TENM4: variants seen among roughly 807,000 people sequenced by gnomAD.
TENM4 encodes teneurin transmembrane protein 4, also known as teneurin-4.
TENM4 carries 82 observed loss-of-function variants against 243.3 expected under a neutral mutation model. That is an observed-to-expected ratio of 0.34 (90% CI 0.28 to 0.40). The LOEUF is 0.40. Ranked by LOEUF, TENM4 falls within the 10% of genes least tolerant of loss-of-function variation. TENM4 has a pLI of 1.00. For synonymous variants in TENM4, 1,412 were observed against 1,456.3 expected, an observed-to-expected ratio of 0.97 and a Z score of 0.69; for missense variants, 3,138 against 3,673.3, an observed-to-expected ratio of 0.85 and a Z score of 3.77.
chr11:79,412,231 G>T (rs1361742141), intron 1 of TENM4, among the ~76,000 whole-genome samples: 1 of 152,222 alleles, frequency 6.6e-6, no homozygotes, highest in Admixed American at 6.5e-5. Context: ...ATCACTGAAA[G>T]CCTGCCACGT....
intron 6 of TENM4, among the ~76,000 whole-genome samples, chr11:79,009,551 G>C (rs369317705): frequency 3.7e-4 from 57 of 152,270 alleles, no homozygotes; most frequent in African/African-American, 1.4e-3. Flanking sequence ...CTGAGATTCA[G>C]GTTCTTTAAT....
Position 78,778,609 on chromosome 11 carries a change from T to C in TENM4, c.2385A>G (p.Val795=). 2 of 1,612,234 alleles carry C rather than the reference T, an allele frequency of 1.2e-6. No individual in the cohort carries two copies. Among genetic ancestry groups the C allele is most frequent in the South Asian group, 2.2e-5 (2 of 90,304 alleles). ...HCTIAHYLDR[V]VKEGCPGLCN... ...GAGGAAGGAAGACCATACCTTTAAC[T>C]ACCCTATCCAGATAGTGAGCTAGGG... The change falls in exon 17 of 34, where the codon GTA becomes GTG. Residue 795 remains valine, a synonymous_variant. Coordinates refer to ENST00000278550, the MANE Select transcript of TENM4 (RefSeq NM_001098816.3).
rs558425665 is a variant in TENM4, at chr11:78,884,509, CAA to C, written c.1084+5274_1084+5275del. On this transcript the variant is annotated intron_variant, in intron 9 of 33. Transcript: ENST00000278550. ...GCTGAAAGCATGGCCTTTGAAATCC[CAA>C]GTCTTGGTTGCATCCCAGCTATGTC... Among the ~76,000 whole-genome samples, 671 of 152,290 alleles carry C rather than the reference CAA, an allele frequency of 4.4e-3. 3 individuals are homozygous for C. Among genetic ancestry groups the C allele is most frequent in the Middle Eastern group, 0.01 (3 of 294 alleles).
chr11:78,882,537 A>C (rs1855454265), intron 9 of TENM4, among the ~76,000 whole-genome samples: 1 of 152,350 alleles, frequency 6.6e-6, no homozygotes, highest in Admixed American at 6.5e-5. Context: ...GGGGGAGTGA[A>C]ACTCCATTAA....
intron 2 of TENM4, among the ~76,000 whole-genome samples, chr11:79,223,738 G>A (rs1167002195): frequency 6.6e-6 from 1 of 152,082 alleles, no homozygotes; most frequent in Non-Finnish European, 1.5e-5. Context: ...GGCCTCAGAT[G>A]CCCCTGTAGT....
chr11:78,663,534 T>G (rs576256123), intron 32 of TENM4, among the ~76,000 whole-genome samples: 3 of 152,106 alleles, frequency 2.0e-5, no homozygotes, highest in Non-Finnish European at 4.4e-5. Context: ...GTGGCACCCC[T>G]CCCTTCTCTC....
chr11:79,330,876 A>G (rs1329119807), intron 1 of TENM4, among the ~76,000 whole-genome samples: 1 of 152,200 alleles, frequency 6.6e-6, no homozygotes, highest in African/African-American at 2.4e-5. Flanking sequence ...AGGGCTGGCC[A>G]GTTTCTGCTT....
chr11:78,997,134 T>A (rs1591193028), intron 6 of TENM4, among the ~76,000 whole-genome samples: 1 of 152,176 alleles, frequency 6.6e-6, no homozygotes, highest in Non-Finnish European at 1.5e-5. Context: ...GGAACATTCA[T>A]GTTTTGTGTA....
At chr11:79,123,920 G>A (rs1280710857) in intron 4 of TENM4, among the ~76,000 whole-genome samples, 3 of 152,170 alleles carry the variant, frequency 2.0e-5, no homozygotes, top group African/African-American at 7.2e-5. Context: ...AGGAGTCAGT[G>A]TACAGGGCTT....
At chr11:79,241,878 G>A (rs1262210534) in intron 2 of TENM4, among the ~76,000 whole-genome samples, 1 of 152,150 alleles carries the variant, frequency 6.6e-6, no homozygotes, top group African/African-American at 2.4e-5. Flanking sequence ...GGGGCGGCAG[G>A]ACCCTGGAGT....
At chr11:79,164,342 A>G (rs1363666349) in intron 3 of TENM4, among the ~76,000 whole-genome samples, 2 of 129,942 alleles carry the variant, frequency 1.5e-5, no homozygotes, top group African/African-American at 6.1e-5. Flanking sequence ...ATATAGATAT[A>G]CTATATAGAT....
chr11:79,228,545 C>T (rs1355890688), intron 2 of TENM4, among the ~76,000 whole-genome samples: 1 of 152,062 alleles, frequency 6.6e-6, no homozygotes, highest in African/African-American at 2.4e-5. Flanking sequence ...CCTCACGTGC[C>T]CACCCACGCA....
chr11:79,259,598 C>A (rs1179174586), intron 2 of TENM4, among the ~76,000 whole-genome samples: 2 of 151,210 alleles, frequency 1.3e-5, no homozygotes, highest in Non-Finnish European at 3.0e-5. Context: ...CTCATCCATC[C>A]ACCTATCCAT....
chr11:79,054,145 CA>C (rs1859877608), intron 6 of TENM4, among the ~76,000 whole-genome samples: 1 of 152,210 alleles, frequency 6.6e-6, no homozygotes, highest in Non-Finnish European at 1.5e-5. Flanking sequence ...GCTGTCCCCA[CA>C]GCCCATAGTT....
chr11:79,383,279 C>A (rs1390029040), intron 1 of TENM4, among the ~76,000 whole-genome samples: 2 of 152,194 alleles, frequency 1.3e-5, no homozygotes, highest in African/African-American at 4.8e-5. Flanking sequence ...CTCCATCAGG[C>A]CTTGCTCTCT....
chr11:79,364,084 G>GA (rs1857635104), intron 1 of TENM4, among the ~76,000 whole-genome samples: 1 of 152,196 alleles, frequency 6.6e-6, no homozygotes, highest in African/African-American at 2.4e-5. Flanking sequence ...GATCGAGATG[G>GA]AAAAATGCTT....
chr11:79,338,621 C>A (rs548371689), intron 1 of TENM4, among the ~76,000 whole-genome samples: 1 of 152,314 alleles, frequency 6.6e-6, no homozygotes, highest in Admixed American at 6.5e-5. Context: ...CTGAGGGTCT[C>A]ACAGAAGCTC....
At chr11:79,344,295 G>T (rs1473038043) in intron 1 of TENM4, among the ~76,000 whole-genome samples, 2 of 152,186 alleles carry the variant, frequency 1.3e-5, no homozygotes, top group Admixed American at 1.3e-4. Context: ...AGGCTTTAGT[G>T]AACCAGAGGC....
At chr11:79,316,493 GAGA>G (rs1364087883) in intron 1 of TENM4, among the ~76,000 whole-genome samples, 1 of 152,208 alleles carries the variant, frequency 6.6e-6, no homozygotes, top group African/African-American at 2.4e-5. Context: ...CAGTTGTACA[GAGA>G]AGACTGGGTT....
Sources: gnomAD v4.1 joint callset for allele counts (sites outside exome capture counted in the v4.1 genomes callset) on GRCh38, gnomAD v4.1.1 for gene constraint, MANE v1.5 for transcripts, NCBI Gene and HGNC (gene_info 2026-07-23, HGNC 2026-07-21) for gene names.